Variants in LINGO2 observed in about 807,000 individuals in gnomAD.
LINGO2 encodes the protein leucine-rich repeat and immunoglobulin-like domain-containing nogo receptor-interacting protein 2.
In LINGO2, 14 loss-of-function variants were observed where a neutral mutation model predicts 30.6. The ratio of observed to expected loss-of-function variants is 0.46; its 90% CI spans 0.30 to 0.72. The LOEUF (loss-of-function observed/expected upper bound fraction) is 0.72. Ranked by LOEUF, LINGO2 falls within the 30% of genes least tolerant of loss-of-function variation. The pLI, the probability that LINGO2 is intolerant of heterozygous loss-of-function variation, is 0.07. For synonymous variants in LINGO2, 317 were observed against 288.5 expected (o/e 1.10, Z -1.00); for missense variants, 729 against 751.7 (o/e 0.97, Z 0.35).
chr9:28,360,951 T>A (rs1463206430), intron 3 of LINGO2, among the ~76,000 whole-genome samples: 1 of 152,212 alleles, frequency 6.6e-6, no homozygotes, highest in Non-Finnish European at 1.5e-5. Flanking sequence ...TATTTGTGGT[T>A]TAGCTTTCCA....
At chr9:28,182,140 A>G (rs192814712) in intron 4 of LINGO2, among the ~76,000 whole-genome samples, 12 of 152,302 alleles carry the variant, frequency 7.9e-5, no homozygotes, top group Admixed American at 2.0e-4. Flanking sequence ...AACAGAATAG[A>G]GACCTCAGAA....
chr9:28,065,022 T>C (rs1343545096), intron 4 of LINGO2, among the ~76,000 whole-genome samples: 2 of 151,324 alleles, frequency 1.3e-5, no homozygotes, highest in Non-Finnish European at 2.9e-5. Flanking sequence ...ACGCACAACA[T>C]TCCTACACAT....
At chr9:28,875,325 G>A in the LINGO2 span, among the ~76,000 whole-genome samples, 372 of 151,930 alleles carry the variant, frequency 2.4e-3, 1 homozygote, top group African/African-American at 8.5e-3. Flanking sequence ...GTTTGTGTAC[G>A]TCTACACAAA....
At chr9:29,043,156 TC>T in the LINGO2 span, among the ~76,000 whole-genome samples, 1 of 151,834 alleles carries the variant, frequency 6.6e-6, no homozygotes, top group African/African-American at 2.4e-5. Flanking sequence ...CAATGGAGGA[TC>T]AATGGAAATC....
the LINGO2 span, among the ~76,000 whole-genome samples, chr9:28,934,038 G>A: frequency 4.6e-5 from 7 of 152,194 alleles, no homozygotes; most frequent in Non-Finnish European, 1.0e-4. Context: ...TAAGGTATAG[G>A]GGTGAGGACT....
chr9:28,528,866 T>G (rs1821125383), intron 1 of LINGO2, among the ~76,000 whole-genome samples: 1 of 152,110 alleles, frequency 6.6e-6, no homozygotes, highest in Admixed American at 6.6e-5. Context: ...ATATTTTTAG[T>G]TTTGTCATAA....
the LINGO2 span, among the ~76,000 whole-genome samples, chr9:29,124,186 G>T: frequency 6.6e-6 from 1 of 152,146 alleles, no homozygotes; most frequent in African/African-American, 2.4e-5. Context: ...AATAAATGAT[G>T]CTGGGATAAC....
At chr9:28,907,276 G>A in the LINGO2 span, among the ~76,000 whole-genome samples, 1 of 151,956 alleles carries the variant, frequency 6.6e-6, no homozygotes, top group Non-Finnish European at 1.5e-5. Context: ...CTTTATGAAA[G>A]AGATGAAAAT....
intron 2 of LINGO2, among the ~76,000 whole-genome samples, chr9:28,433,210 T>C (rs1291400775): frequency 6.6e-6 from 1 of 152,106 alleles, no homozygotes; most frequent in African/African-American, 2.4e-5. Context: ...TATGTTAAGA[T>C]GTGATCTTGC....
At chr9:27,947,599 A>G (rs1259996962), downstream of LINGO2, among the ~76,000 whole-genome samples, 2 of 152,202 alleles carry the variant, frequency 1.3e-5, no homozygotes, top group Non-Finnish European at 2.9e-5. Flanking sequence ...GAAGTTGTCT[A>G]TTCAAGGTAA....
intron 1 of LINGO2, among the ~76,000 whole-genome samples, chr9:28,591,754 G>A (rs1399103835): frequency 6.6e-6 from 1 of 151,986 alleles, no homozygotes; most frequent in Non-Finnish European, 1.5e-5. Context: ...AGATCCTTGT[G>A]GAAATCTTGA....
At chr9:28,496,482 C>A (rs1455573130) in intron 1 of LINGO2, among the ~76,000 whole-genome samples, 1 of 150,816 alleles carries the variant, frequency 6.6e-6, no homozygotes, top group East Asian at 1.9e-4. Context: ...AGGATTGCAA[C>A]CCCTGCCTTT....
the LINGO2 span, among the ~76,000 whole-genome samples, chr9:28,759,703 A>G: frequency 2.6e-5 from 4 of 151,916 alleles, no homozygotes; most frequent in Non-Finnish European, 4.4e-5. Context: ...AAAAAAAGAA[A>G]GAAAATGTCC....
intron 2 of LINGO2, among the ~76,000 whole-genome samples, chr9:28,472,581 T>C (rs1174036349): frequency 6.6e-6 from 1 of 152,120 alleles, no homozygotes; most frequent in East Asian, 1.9e-4. Context: ...CCACAGCAAA[T>C]ATTTAGATTA....
intron 2 of LINGO2, among the ~76,000 whole-genome samples, chr9:28,391,013 G>A (rs997953541): frequency 3.9e-5 from 6 of 152,026 alleles, no homozygotes; most frequent in Non-Finnish European, 7.4e-5. Context: ...AATAATACAC[G>A]ACTCCCAGAC....
intron 4 of LINGO2, among the ~76,000 whole-genome samples, chr9:28,201,844 A>G (rs1431315462): frequency 6.6e-6 from 1 of 150,790 alleles, no homozygotes; most frequent in Non-Finnish European, 1.5e-5. Flanking sequence ...TTCCTCTACA[A>G]CCTTCATAAG....
intron 4 of LINGO2, among the ~76,000 whole-genome samples, chr9:28,142,494 G>A (rs1242543896): frequency 1.3e-5 from 2 of 152,052 alleles, no homozygotes; most frequent in African/African-American, 2.4e-5. Context: ...CATATTTCAT[G>A]TCCATAGCAA....
intron 4 of LINGO2, among the ~76,000 whole-genome samples, chr9:28,026,769 A>G (rs1163318859): frequency 6.6e-6 from 1 of 152,162 alleles, no homozygotes; most frequent in Non-Finnish European, 1.5e-5. Context: ...TACTGTAACC[A>G]CATCCTTATT....
chr9:28,157,150 C>T (rs962958508), intron 4 of LINGO2, among the ~76,000 whole-genome samples: 2 of 152,208 alleles, frequency 1.3e-5, no homozygotes, highest in African/African-American at 4.8e-5. Context: ...AGAGGTTCTC[C>T]ATGAGGGCCC....
Sources: allele counts gnomAD v4.1 joint callset (sites outside exome capture counted in the v4.1 genomes callset), GRCh38; gene constraint gnomAD v4.1.1; transcripts MANE v1.5; gene names NCBI Gene and HGNC (gene_info 2026-07-23, HGNC 2026-07-21).